Variants in SLC28A1 observed in about 807,000 individuals in gnomAD.
SLC28A1 encodes the protein sodium/nucleoside cotransporter 1.
SLC28A1 carries 64 observed loss-of-function variants against 74.8 expected under a neutral mutation model. That is an observed-to-expected ratio of 0.86 (90% CI 0.70 to 1.05). The LOEUF (loss-of-function observed/expected upper bound fraction) is 1.05. Among genes scored for constraint, SLC28A1 ranks in the 50% least tolerant of loss-of-function variants. The pLI is 0.00. For missense variants in SLC28A1, 828 were observed against 822.8 expected, an observed-to-expected ratio of 1.01 and a Z score of -0.08; for synonymous variants, 359 against 335.0, an observed-to-expected ratio of 1.07 and a Z score of -0.78.
At chr15:84,923,177 A>G (rs934352317) in intron 11 of SLC28A1, among the ~76,000 whole-genome samples, 9 of 152,176 alleles carry the variant, frequency 5.9e-5, no homozygotes, top group East Asian at 1.9e-4. Flanking sequence ...ACCTCAGCCA[A>G]TCCTACCACC....
intron 9 of SLC28A1, among the ~76,000 whole-genome samples, chr15:84,910,676 T>C (rs970337078): frequency 2.6e-5 from 4 of 152,216 alleles, no homozygotes; most frequent in East Asian, 3.9e-4. Context: ...TGCAGTGAGC[T>C]GAGATCATGC....
At position 84,886,693 on chromosome 15, in the gene SLC28A1, G is replaced by A; in HGVS notation, c.-111G>A. On this transcript the variant is annotated 5_prime_UTR_variant, in exon 2 of 19. Transcript: ENST00000394573. Reference sequence around the variant, plus strand: ...CCAGGAATTTCTGCTGAAGTGACAAGGCAAGCCAGAGCCAAAGCAGGTTGG... The same window carrying A: ...CCAGGAATTTCTGCTGAAGTGACAAAGCAAGCCAGAGCCAAAGCAGGTTGG... The A allele has an allele frequency of 1.0e-6, 1 of 985,530 alleles. No homozygotes were observed. The highest frequency in any genetic ancestry group is 4.7e-5 in the South Asian group (1 of 21,292). 61.0% of individuals were successfully genotyped at this position (985,530 alleles called of 1,614,324 possible).
At chr15:84,901,797 C>T (rs750341476) in intron 6 of SLC28A1, among the ~76,000 whole-genome samples, 5 of 152,210 alleles carry the variant, frequency 3.3e-5, no homozygotes, top group Non-Finnish European at 5.9e-5. Context: ...CTGTAGAAAA[C>T]AGATTGGCAC....
chr15:84,902,706 T>TA (rs1168787988), intron 6 of SLC28A1, among the ~76,000 whole-genome samples: 1 of 150,354 alleles, frequency 6.7e-6, no homozygotes, highest in African/African-American at 2.4e-5. Context: ...CTGTTAAAAA[T>TA]AAAAAATCTG....
intron 6 of SLC28A1, among the ~76,000 whole-genome samples, chr15:84,902,251 G>A (rs954134720): frequency 8.5e-5 from 13 of 152,172 alleles, no homozygotes; most frequent in South Asian, 4.2e-4. Flanking sequence ...AGGCTGAGGC[G>A]GGCAGATCAC....
chr15:84,973,216 G>A, the SLC28A1 span, among the ~76,000 whole-genome samples: 1 of 151,972 alleles, frequency 6.6e-6, no homozygotes, highest in Non-Finnish European at 1.5e-5. Flanking sequence ...TTTTACCTCT[G>A]CCTGGAATGT....
intron 11 of SLC28A1, among the ~76,000 whole-genome samples, chr15:84,922,591 A>G (rs1420865902): frequency 6.6e-6 from 1 of 151,936 alleles, no homozygotes; most frequent in African/African-American, 2.4e-5. Flanking sequence ...TCCTTCCCGT[A>G]CTATCCGTCC....
intron 9 of SLC28A1, among the ~76,000 whole-genome samples, chr15:84,909,436 C>T (rs986106388): frequency 1.3e-5 from 2 of 152,314 alleles, no homozygotes; most frequent in African/African-American, 4.8e-5. Flanking sequence ...GATAAAGGCA[C>T]TGTTCTGTTT....
the SLC28A1 span, among the ~76,000 whole-genome samples, chr15:84,952,608 G>A: frequency 7.9e-5 from 12 of 152,302 alleles, no homozygotes; most frequent in Non-Finnish European, 1.0e-4. Context: ...AAAAGTCGCC[G>A]GGCACGGTGG....
chr15:84,914,142 G>A (rs976912558), intron 9 of SLC28A1, among the ~76,000 whole-genome samples: 1 of 152,090 alleles, frequency 6.6e-6, no homozygotes, highest in African/African-American at 2.4e-5. Flanking sequence ...TAGATACAGG[G>A]TCTCACTATA....
intron 5 of SLC28A1, 126 bp from the exon 6 acceptor site, chr15:84,894,814 T>C: frequency 1.1e-6 from 1 of 880,342 alleles, no homozygotes; most frequent in Middle Eastern, 2.6e-4. Flanking sequence ...ACAGGCTCAG[T>C]GAGGTTGGGT....
At chr15:84,903,393 G>A (rs569620960) in intron 6 of SLC28A1, among the ~76,000 whole-genome samples, 323 of 152,274 alleles carry the variant, frequency 2.1e-3, no homozygotes, top group Admixed American at 3.9e-3. Context: ...CATGTCTCTC[G>A]CATCGGTATA....
the SLC28A1 span, among the ~76,000 whole-genome samples, chr15:84,969,236 A>G: frequency 6.6e-6 from 1 of 152,192 alleles, no homozygotes; most frequent in Admixed American, 6.5e-5. Flanking sequence ...CCTAGCAACC[A>G]GGAGAATTGC....
intron 9 of SLC28A1, among the ~76,000 whole-genome samples, chr15:84,911,936 G>A (rs556404062): frequency 2.6e-5 from 4 of 151,876 alleles, no homozygotes; most frequent in South Asian, 4.2e-4. Flanking sequence ...GAAGTTGAAT[G>A]TTCGGTTAAG....
intron 2 of SLC28A1, 47 bp from the exon 3 acceptor site, chr15:84,887,698 G>T: frequency 6.3e-7 from 1 of 1,596,488 alleles, no homozygotes; most frequent in Non-Finnish European, 8.6e-7. Flanking sequence ...ACTGGGCCCT[G>T]CCCGGCCTCC....
At chr15:84,968,482 C>A in the SLC28A1 span, among the ~76,000 whole-genome samples, 1 of 152,242 alleles carries the variant, frequency 6.6e-6, no homozygotes, top group African/African-American at 2.4e-5. Context: ...GTCTTCACGA[C>A]ATGGCAGCTG....
chr15:84,933,186 C>G lies in SLC28A1; in HGVS notation c.1125C>G (p.Ala375=). 6.2e-7 allele frequency: 1 copy of G among 1,613,676 alleles called. No individual in the cohort carries two copies. The change falls in exon 13 of 19, where the codon GCC becomes GCG. Residue 375 remains alanine (A), a synonymous_variant. Transcript: ENST00000394573. ...TGATTGCAGCCTCTGTGATGGCTGC[C>G]CCTTGTGCCTTGGCCCTCTCCAAGC... ...TSLIAASVMA[A]PCALALSKLV... is the part of the protein sequence containing the mutation.
chr15:84,886,752 C>T lies in SLC28A1; in HGVS notation c.-52C>T. 1 of 985,310 alleles carries T rather than the reference C, an allele frequency of 1.0e-6. No homozygotes were observed. The highest frequency in any genetic ancestry group is 1.2e-6 in the Non-Finnish European group (1 of 829,794). 61.0% of individuals were successfully genotyped at this position (985,310 alleles called of 1,614,324 possible). A position where few individuals can be genotyped will look rare whatever the true frequency, so the allele number is the denominator to read the frequency against. ...TGTCCCCACAGAGACGTGTGCTTCC[C>T]TCTCTCTCTGAGAGCGACCTGTTAA... On this transcript the variant is annotated 5_prime_UTR_variant, in exon 2 of 19. Transcript: ENST00000394573.
At chr15:84,900,568 C>T (rs1454060777) in intron 6 of SLC28A1, among the ~76,000 whole-genome samples, 1 of 151,666 alleles carries the variant, frequency 6.6e-6, no homozygotes, top group Admixed American at 6.6e-5. Flanking sequence ...TGAGGCTGAG[C>T]TAGGAGGACT....
Sources: allele counts gnomAD v4.1 joint callset (sites outside exome capture counted in the v4.1 genomes callset), GRCh38; gene constraint gnomAD v4.1.1; transcripts MANE v1.5; gene names NCBI Gene and HGNC (gene_info 2026-07-23, HGNC 2026-07-21).